Variants in NUDCD3 observed in about 807,000 individuals in gnomAD.
NUDCD3 encodes the protein NudC domain containing 3.
Under a neutral mutation model 39.7 loss-of-function variants are expected in NUDCD3, and 13 were observed. The observed-to-expected ratio is 0.33, with a 90% CI of 0.21 to 0.52. The LOEUF (loss-of-function observed/expected upper bound fraction) is 0.52. Among genes scored for constraint, NUDCD3 ranks in the 20% least tolerant of loss-of-function variants. The probability of loss-of-function intolerance (pLI) is 0.96; values close to 1 mark genes in which losing one functional copy is unlikely to be tolerated. For missense variants in NUDCD3, 453 were observed against 458.1 expected, an observed-to-expected ratio of 0.99 and a Z score of 0.10; for synonymous variants, 175 against 172.4, an observed-to-expected ratio of 1.02 and a Z score of -0.12.
At chr7:44,446,945 T>C (rs1563179906) in intron 2 of NUDCD3, among the ~76,000 whole-genome samples, 2 of 152,196 alleles carry the variant, frequency 1.3e-5, no homozygotes, top group Non-Finnish European at 1.5e-5. Context: ...GAATTCTCTG[T>C]AGTGAATTAT....
intron 2 of NUDCD3, among the ~76,000 whole-genome samples, chr7:44,476,538 C>T (rs1800373586): frequency 6.6e-6 from 1 of 152,188 alleles, no homozygotes; most frequent in Non-Finnish European, 1.5e-5. Flanking sequence ...GGGCCCTCAC[C>T]ACTGAACCTG....
At chr7:44,421,803 T>C (rs1305077806) in intron 3 of NUDCD3, among the ~76,000 whole-genome samples, 2 of 151,944 alleles carry the variant, frequency 1.3e-5, no homozygotes, top group African/African-American at 4.8e-5. Flanking sequence ...AACTCAGCTC[T>C]GGACCAAGCT....
chr7:44,479,287 T>A (rs1260653893), intron 2 of NUDCD3, among the ~76,000 whole-genome samples: 1 of 152,180 alleles, frequency 6.6e-6, no homozygotes, highest in Non-Finnish European at 1.5e-5. Flanking sequence ...TCCAAAGTCA[T>A]AAACTGTATT....
In NUDCD3 at chr7:44,385,270, G is replaced by A. The variant is rs1454844672; in HGVS notation, c.*741C>T. On this transcript the variant is annotated 3_prime_UTR_variant, in exon 6 of 6. Coordinates refer to ENST00000355451, the MANE Select transcript of NUDCD3 (RefSeq NM_015332.4). Reference sequence around the variant, plus strand: ...AGCCAAGCACAGCATGCCATGCGTGGTGGCCGGGCTTGGTTCACTTCAACA... The same window carrying A: ...AGCCAAGCACAGCATGCCATGCGTGATGGCCGGGCTTGGTTCACTTCAACA... 6.6e-6 allele frequency: 1 copy of A among 152,234 alleles called. No homozygotes were observed. Among genetic ancestry groups the A allele is most frequent in the African/African-American group, 2.4e-5 (1 of 41,416 alleles). 9.4% of individuals were successfully genotyped at this position (152,234 alleles called of 1,614,324 possible).
At chr7:44,402,338 C>T (rs1470866512) in intron 4 of NUDCD3, among the ~76,000 whole-genome samples, 2 of 152,192 alleles carry the variant, frequency 1.3e-5, no homozygotes, top group Admixed American at 6.5e-5. Flanking sequence ...AGTCACATCC[C>T]TATTCCACTT....
In NUDCD3 at chr7:44,385,918, C is replaced by T. The variant is rs973508788; in HGVS notation, c.*93G>A. 3.1e-5 allele frequency: 22 copies of T among 720,478 alleles called. No homozygotes were observed. Among genetic ancestry groups the T allele is most frequent in the African/African-American group, 8.8e-5 (5 of 56,996 alleles). The allele number at this position is 720,478 out of a possible 1,614,324, so 44.6% of individuals were successfully genotyped here. On this transcript the variant is annotated 3_prime_UTR_variant, in exon 6 of 6. Coordinates refer to ENST00000355451, the MANE Select transcript of NUDCD3 (RefSeq NM_015332.4). ...AAAGGATGGCTAGGGGTAAACAAGA[C>T]GAGCAAGTCCCTGGAATGCAGGGAG...
At chr7:44,480,343 G>A (rs1800461857) in intron 2 of NUDCD3, among the ~76,000 whole-genome samples, 1 of 152,056 alleles carries the variant, frequency 6.6e-6, no homozygotes, top group Non-Finnish European at 1.5e-5. Flanking sequence ...TATAGTAAGG[G>A]ACAAAGATAA....
At position 44,468,136 on chromosome 7, in the gene NUDCD3, C is replaced by A. The variant is rs774750882; in HGVS notation, c.509+16832G>T. The A allele has an allele frequency of 1.9e-6, 3 of 1,606,768 alleles. No homozygotes were observed. The South Asian group carries it at 3.3e-5, about 18-fold the overall frequency. ...GTGGCTTCCGGAAGTTCCTGGTCCA[C>A]AACATCAAGGAGCTGGAAGTGCTGC... On this transcript the variant is annotated intron_variant, in intron 2 of 5. Coordinates refer to ENST00000355451, the MANE Select transcript of NUDCD3 (RefSeq NM_015332.4).
chr7:44,482,912 A>G lies in NUDCD3; in HGVS notation c.509+2056T>C, dbSNP rs562466937. Among the ~76,000 whole-genome samples the G allele has an allele frequency of 2.0e-5, 3 of 152,330 alleles. No individual in the cohort carries two copies. The East Asian group carries it at 5.8e-4, about 29-fold the overall frequency. The stretch of plus-strand genomic sequence containing the variant: ...GAAGCCATAAAAAACAATCAAGGGG[A>G]ACCTGCAGGGCTAAAAAATAAACTA... On this transcript the variant is annotated intron_variant, in intron 2 of 5. Transcript: ENST00000355451.
At chr7:44,412,204 G>A (rs1798939970) in intron 3 of NUDCD3, among the ~76,000 whole-genome samples, 1 of 152,216 alleles carries the variant, frequency 6.6e-6, no homozygotes, top group South Asian at 2.1e-4. Flanking sequence ...TACACTGTGT[G>A]TGGATATATC....
chr7:44,412,301 C>A (rs940852251), intron 3 of NUDCD3, among the ~76,000 whole-genome samples: 1 of 152,244 alleles, frequency 6.6e-6, no homozygotes, highest in African/African-American at 2.4e-5. Context: ...TCACAACCAA[C>A]ATGGCACAAA....
chr7:44,438,706 C>G (rs936612031), intron 2 of NUDCD3, among the ~76,000 whole-genome samples: 4 of 151,910 alleles, frequency 2.6e-5, no homozygotes, highest in African/African-American at 9.7e-5. Context: ...AGGATTTAGT[C>G]CCCAGAACAG....
intron 2 of NUDCD3, among the ~76,000 whole-genome samples, chr7:44,439,023 G>C (rs1457589306): frequency 6.6e-6 from 1 of 152,070 alleles, no homozygotes; most frequent in African/African-American, 2.4e-5. Context: ...CTAACAGAGG[G>C]GCCCACAACA....
intron 2 of NUDCD3, among the ~76,000 whole-genome samples, chr7:44,430,554 C>CACACACAAACACACACA (rs759005189): frequency 7.1e-6 from 1 of 140,772 alleles, no homozygotes; most frequent in African/African-American, 2.8e-5. Context: ...AATAAAATAC[C>CACACACAAACACACACA]CACACACACA....
At chr7:44,473,556 A>C (rs1238995029) in intron 2 of NUDCD3, among the ~76,000 whole-genome samples, 1 of 152,224 alleles carries the variant, frequency 6.6e-6, no homozygotes, top group Non-Finnish European at 1.5e-5. Flanking sequence ...TGACAAAGGC[A>C]ACATTCACTG....
intron 5 of NUDCD3, 40 bp from the exon 6 acceptor site, chr7:44,386,161 G>C (rs756926637): frequency 1.9e-6 from 3 of 1,607,036 alleles, no homozygotes; most frequent in Non-Finnish European, 2.6e-6. Context: ...GGATCACAAC[G>C]CACTGTGTAC....
chr7:44,480,980 A>G (rs990713863), intron 2 of NUDCD3, among the ~76,000 whole-genome samples: 2 of 133,836 alleles, frequency 1.5e-5, no homozygotes, highest in Admixed American at 1.5e-4. Context: ...CAAAAATTTG[A>G]AAAAAAAAAA....
rs1458366666 is a variant in NUDCD3, at chr7:44,379,437, G to A, written c.*6574C>T. 1.3e-5 allele frequency: 2 copies of A among 152,208 alleles called. No individual in the cohort carries two copies. Among genetic ancestry groups the A allele is most frequent in the Non-Finnish European group, 2.9e-5 (2 of 68,098 alleles). The allele number at this position is 152,208 out of a possible 1,614,324, so 9.4% of individuals were successfully genotyped here. On this transcript the variant is annotated 3_prime_UTR_variant, in exon 6 of 6. Coordinates refer to ENST00000355451, the MANE Select transcript of NUDCD3 (RefSeq NM_015332.4). Reference sequence around the variant, plus strand: ...TCACAGGAGTCCTAGCTGCTCTGAAGTCGTGAGTGGGGACAGCAGAGCCTG... The same window carrying A: ...TCACAGGAGTCCTAGCTGCTCTGAAATCGTGAGTGGGGACAGCAGAGCCTG...
chr7:44,439,051 A>G (rs916469410), intron 2 of NUDCD3, among the ~76,000 whole-genome samples: 1 of 152,232 alleles, frequency 6.6e-6, no homozygotes, highest in African/African-American at 2.4e-5. Flanking sequence ...CAAGCAGTGC[A>G]TGAGGATGAC....
Sources: gnomAD v4.1 joint callset for allele counts (sites outside exome capture counted in the v4.1 genomes callset) on GRCh38, gnomAD v4.1.1 for gene constraint, MANE v1.5 for transcripts, NCBI Gene and HGNC (gene_info 2026-07-23, HGNC 2026-07-21) for gene names.